Variants in ANK2 observed in about 807,000 individuals in gnomAD.
ANK2 encodes ankyrin-2.
A neutral mutation model predicts 360.5 loss-of-function variants in ANK2; 83 were observed. The ratio of observed to expected loss-of-function variants is 0.23; its 90% confidence interval spans 0.19 to 0.28. The LOEUF (loss-of-function observed/expected upper bound fraction) is 0.28. Among genes scored for constraint, ANK2 ranks in the 10% least tolerant of loss-of-function variants. ANK2 has a pLI of 1.00. For missense variants in ANK2, 4,201 were observed against 4,795.7 expected, an observed-to-expected ratio of 0.88 and a Z score of 3.66; for synonymous variants, 1,740 against 1,759.5, an observed-to-expected ratio of 0.99 and a Z score of 0.28.
chr4:113,299,642 T>C (rs1435619102), intron 22 of ANK2, among the ~76,000 whole-genome samples: 3 of 150,556 alleles, frequency 2.0e-5, no homozygotes, highest in African/African-American at 4.9e-5. Context: ...AAGGCGGAGG[T>C]TGCAGTGAGC....
chr4:112,958,054 G>T (rs1419691964), intron 2 of ANK2, among the ~76,000 whole-genome samples: 2 of 150,586 alleles, frequency 1.3e-5, no homozygotes, highest in African/African-American at 4.9e-5. Context: ...GGGAAGAGGC[G>T]CTCCTCACTT....
intron 36 of ANK2, among the ~76,000 whole-genome samples, chr4:113,348,537 A>G (rs1244911797): frequency 2.6e-5 from 4 of 152,136 alleles, no homozygotes; most frequent in South Asian, 4.1e-4. Context: ...ATGCAATACT[A>G]TATTTTTCCA....
the ANK2 span, chr4:112,788,827 C>T: frequency 5.0e-6 from 5 of 1,003,318 alleles, no homozygotes; most frequent in Non-Finnish European, 7.8e-6. Context: ...TTCTTCACGA[C>T]AGCAGGGGCC....
At chr4:113,293,566 G>T in intron 22 of ANK2, 28 bp downstream of exon 22, 1 of 1,581,916 alleles carries the variant, frequency 6.3e-7, no homozygotes. Context: ...ACTAGCTTCA[G>T]CCCTGTTATT....
At chr4:113,022,070 G>A (rs2058303123) in intron 2 of ANK2, among the ~76,000 whole-genome samples, 1 of 152,052 alleles carries the variant, frequency 6.6e-6, no homozygotes, top group South Asian at 2.1e-4. Flanking sequence ...TTGGTGATTA[G>A]GGGTCTAGCA....
At chr4:113,058,764 T>C (rs2071503521) in intron 1 of ANK2, among the ~76,000 whole-genome samples, 1 of 152,178 alleles carries the variant, frequency 6.6e-6, no homozygotes, top group African/African-American at 2.4e-5. Context: ...TAAGTATAGA[T>C]ACTTTCCATT....
chr4:113,304,527 AATT>A (rs1342096715), intron 23 of ANK2, among the ~76,000 whole-genome samples: 1 of 152,198 alleles, frequency 6.6e-6, no homozygotes, highest in African/African-American at 2.4e-5. Flanking sequence ...CTGCTAACAT[AATT>A]ATATAATCTA....
At chr4:113,313,476 C>A (rs188268207) in intron 24 of ANK2, among the ~76,000 whole-genome samples, 2 of 152,272 alleles carry the variant, frequency 1.3e-5, no homozygotes, top group African/African-American at 4.8e-5. Context: ...ATGAAACAAA[C>A]AAGACATACT....
At chr4:113,379,759 A>AAGGGAAG (rs1456035316) in intron 45 of ANK2, among the ~76,000 whole-genome samples, 1 of 152,226 alleles carries the variant, frequency 6.6e-6, no homozygotes, top group Non-Finnish European at 1.5e-5. Context: ...AGAAGAACAT[A>AAGGGAAG]AGGGAAGAAG....
Position 113,200,873 on chromosome 4 carries a change from G to T in ANK2, c.384+1764G>T, listed in dbSNP as rs531665032. 1.3e-3 allele frequency among the ~76,000 whole-genome samples: 189 copies of T among 151,196 alleles called. 1 individual carries two copies. Among genetic ancestry groups the T allele is most frequent in the African/African-American group, 4.3e-3 (178 of 41,110 alleles). On this transcript the variant is annotated intron_variant, in intron 4 of 45. Coordinates refer to ENST00000357077, the MANE Select transcript of ANK2 (RefSeq NM_001148.6). ...GGACACAAGGCGGGGAACATCACACGCCGGGGCCTGTCAGGGGGTGGGGGG... is the reference window on the plus strand; with the variant it reads ...GGACACAAGGCGGGGAACATCACACTCCGGGGCCTGTCAGGGGGTGGGGGG...
chr4:113,187,550 G>A (rs1181713794), intron 2 of ANK2, among the ~76,000 whole-genome samples: 1 of 152,172 alleles, frequency 6.6e-6, no homozygotes, highest in East Asian at 1.9e-4. Context: ...AGGAAAGCAA[G>A]TCCCGCAAAC....
At chr4:113,097,509 C>G (rs12639633) in intron 1 of ANK2, among the ~76,000 whole-genome samples, 73,417 of 151,768 alleles carry the variant, frequency 0.48, 18,759 homozygotes, top group African/African-American at 0.63. Context: ...AAAGATTACT[C>G]TATTTCCTAA....
At chr4:113,352,348 ACAAGGAGGTTGCTC>A (rs2095464608) in intron 37 of ANK2, among the ~76,000 whole-genome samples, 1 of 152,106 alleles carries the variant, frequency 6.6e-6, no homozygotes, top group Admixed American at 6.5e-5. Flanking sequence ...CTGTGTCTAA[ACAAGGAGGTTGCTC>A]CAAGGAAAGG....
At position 113,245,927 on chromosome 4, in the gene ANK2, C is replaced by A. The variant is rs141709764; in HGVS notation, c.891+3718C>A. Among the ~76,000 whole-genome samples the A allele has an allele frequency of 3.2e-3, 486 of 152,144 alleles. 15 individuals are homozygous for A. In the East Asian group the frequency reaches 0.067, roughly 21 times the overall value. ...TCAAGCAATTCTCCTACCTCAGCCT[C>A]CCAAGTAGCTGGAATTACAGGCATG... On this transcript the variant is annotated intron_variant, in intron 9 of 45. Transcript: ENST00000357077.
At chr4:113,037,600 A>G (rs2061894651) in intron 2 of ANK2, among the ~76,000 whole-genome samples, 1 of 151,972 alleles carries the variant, frequency 6.6e-6, no homozygotes, top group Non-Finnish European at 1.5e-5. Flanking sequence ...TTTTTTGTGT[A>G]GGACTTGATG....
chr4:113,016,030 T>A (rs547717264), intron 2 of ANK2, among the ~76,000 whole-genome samples: 97 of 146,720 alleles, frequency 6.6e-4, no homozygotes, highest in Admixed American at 1.3e-3. Context: ...TTTTCAAAAA[T>A]TTTTTTTTTC....
At chr4:113,362,071 T>C (rs995896011) in intron 39 of ANK2, among the ~76,000 whole-genome samples, 1 of 152,156 alleles carries the variant, frequency 6.6e-6, no homozygotes, top group Non-Finnish European at 1.5e-5. Flanking sequence ...GTAAGAAAAG[T>C]TTTACTGAAT....
At chr4:112,922,507 G>T (rs1436108617) in intron 2 of ANK2, among the ~76,000 whole-genome samples, 2 of 152,192 alleles carry the variant, frequency 1.3e-5, no homozygotes, top group Admixed American at 1.3e-4. Context: ...GTAGAAAAAT[G>T]ATACAAAGAA....
chr4:113,200,005 C>T (rs1480879637), intron 4 of ANK2, among the ~76,000 whole-genome samples: 1 of 152,126 alleles, frequency 6.6e-6, no homozygotes, highest in African/African-American at 2.4e-5. Flanking sequence ...CTAGAAAATA[C>T]AAAAGGCAAT....
Sources: gnomAD v4.1 joint callset for allele counts (sites outside exome capture counted in the v4.1 genomes callset) on GRCh38, gnomAD v4.1.1 for gene constraint, MANE v1.5 for transcripts, NCBI Gene and HGNC (gene_info 2026-07-23, HGNC 2026-07-21) for gene names.